The following ZNF473 variants were observed in gnomAD, a reference collection of about 807,000 sequenced individuals.
ZNF473 encodes zinc finger protein 473.
ZNF473 carries 4 observed loss-of-function variants against 11.1 expected under a neutral mutation model. The observed-to-expected ratio is 0.36, with a 90% CI of 0.18 to 0.82. ZNF473 has a LOEUF of 0.82. Among genes scored for constraint, ZNF473 ranks in the 40% least tolerant of loss-of-function variants. ZNF473 has a pLI of 0.49. For synonymous variants in ZNF473, 404 were observed against 390.4 expected, an observed-to-expected ratio of 1.03 and a Z score of -0.41; for missense variants, 854 against 1,084.0, an observed-to-expected ratio of 0.79 and a Z score of 2.98.
At position 50,045,983 on chromosome 19, in the gene ZNF473, C is replaced by T. The variant is rs373186288; in HGVS notation, c.1540C>T (p.Pro514Ser). ...QHQKMHTVKT[P>S]YECQECGERF... ...CCAGAAAATGCACACTGTCAAAACCCCATATGAATGTCAGGAGTGCGGAGA... is the reference window on the plus strand; with the variant it reads ...CCAGAAAATGCACACTGTCAAAACCTCATATGAATGTCAGGAGTGCGGAGA... Residue 514 changes from proline (P) to serine (S), a missense_variant, in exon 5 of 5, where the codon CCA becomes TCA. Physicochemically the swap from Pro to Ser is moderately conservative, Grantham distance 74 (BLOSUM62 -1). Around this residue, in one of 2 missense-constraint regions of ZNF473, gnomAD observed 668 missense variants for 790.2 expected, o/e 0.85. Transcript: ENST00000270617. 6 of 1,614,148 alleles carry T rather than the reference C, an allele frequency of 3.7e-6. No homozygotes were observed. In the Admixed American group the frequency reaches 5.0e-5, roughly 13 times the overall value.
At chr19:50,044,043 CAGA>C (rs905283059) in intron 4 of ZNF473, among the ~76,000 whole-genome samples, 3 of 152,192 alleles carry the variant, frequency 2.0e-5, no homozygotes, top group African/African-American at 7.2e-5. Flanking sequence ...AGGGTTTAAT[CAGA>C]GGAGTGATAT....
chr19:50,047,151 A>T lies in ZNF473; in HGVS notation c.*92A>T. On this transcript the variant is annotated 3_prime_UTR_variant, in exon 5 of 5. Transcript: ENST00000270617. ...CCCATTGCAAGTTTCTCTCCAAATA[A>T]ATGCATCTAAAGATTGATTAGAAAG... 9.5e-7 allele frequency: 1 copy of T among 1,050,934 alleles called. No homozygotes were observed. Among genetic ancestry groups the T allele is most frequent in the Non-Finnish European group, 1.4e-6 (1 of 737,278 alleles). 65.1% of individuals were successfully genotyped at this position (1,050,934 alleles called of 1,614,324 possible).
intron 2 of ZNF473, among the ~76,000 whole-genome samples, chr19:50,037,617 T>G (rs1978521282): frequency 6.6e-6 from 1 of 151,088 alleles, no homozygotes; most frequent in Admixed American, 6.6e-5. Context: ...GGCCAAGAGT[T>G]CGAGACCAGC....
chr19:50,027,904 G>C (rs1041736905), intron 1 of ZNF473, among the ~76,000 whole-genome samples: 1 of 152,138 alleles, frequency 6.6e-6, no homozygotes, highest in East Asian at 1.9e-4. Flanking sequence ...GATCAGGCTG[G>C]TCTTGGACTC....
chr19:50,033,933 C>T (rs1218146089), intron 2 of ZNF473, among the ~76,000 whole-genome samples: 1 of 152,226 alleles, frequency 6.6e-6, no homozygotes, highest in Admixed American at 6.5e-5. Flanking sequence ...TTCTTAATCA[C>T]AGCTGCAAAG....
intron 1 of ZNF473, 63 bp from the exon 2 acceptor site, chr19:50,030,829 A>G (rs2077313869): frequency 1.8e-6 from 1 of 569,022 alleles, no homozygotes; most frequent in African/African-American, 1.9e-5. Context: ...TAGGTTCTGA[A>G]GCACAGTGCA....
At position 50,045,936 on chromosome 19, in the gene ZNF473, A is replaced by G. The variant is rs372507862; in HGVS notation, c.1493A>G (p.Asp498Gly). 67 of 1,614,080 alleles carry G rather than the reference A, an allele frequency of 4.2e-5. No homozygotes were observed. Among genetic ancestry groups the G allele is most frequent in the Non-Finnish European group, 5.0e-5 (59 of 1,180,048 alleles). Residue 498 changes from aspartate to glycine, a missense_variant, in exon 5 of 5, where the codon GAT becomes GGT. Physicochemically the swap from Asp to Gly is moderately conservative, Grantham distance 94 (BLOSUM62 -1). Around this residue, in one of 2 missense-constraint regions of ZNF473, gnomAD observed 668 missense variants for 790.2 expected, o/e 0.85. Coordinates refer to ENST00000270617, the MANE Select transcript of ZNF473 (RefSeq NM_015428.4). ...GCTGAATGCAAGGAGACTTTCAGCG[A>G]TAACAATCGCCTTGTGCAACACCAG... ...SCAECKETFS[D>G]NNRLVQHQKM...
At position 50,048,663 on chromosome 19, in the gene ZNF473, T is replaced by C. The variant is rs1463706282; in HGVS notation, c.*1604T>C. On this transcript the variant is annotated 3_prime_UTR_variant, in exon 5 of 5. Coordinates refer to ENST00000270617, the MANE Select transcript of ZNF473 (RefSeq NM_015428.4). ...GGACTCTATGGAAAACTGGCAGCCA[T>C]TGGGTGTGGGGGCAGTCTGTAAATC... 6.6e-6 allele frequency: 1 copy of C among 152,182 alleles called. No homozygotes were observed. Among genetic ancestry groups the C allele is most frequent in the African/African-American group, 2.4e-5 (1 of 41,424 alleles). 9.4% of individuals were successfully genotyped at this position (152,182 alleles called of 1,614,324 possible).
rs755533384 is a variant in ZNF473 at position 50,031,105 on chromosome 19, C to T, written c.9+14C>T. The T allele has an allele frequency of 1.5e-5, 24 of 1,565,360 alleles. No individual in the cohort carries two copies. Among genetic ancestry groups the T allele is most frequent in the Middle Eastern group, 1.7e-4 (1 of 6,020 alleles). ...GCCATGGCTGAGGTGAGTTGAAGGT[C>T]GCTCTGTCCTAATCGGTCACACCCA... On this transcript the variant is annotated intron_variant, in intron 2 of 4. Transcript: ENST00000270617.
At chr19:50,031,379 C>T (rs1390691096) in intron 2 of ZNF473, among the ~76,000 whole-genome samples, 2 of 152,204 alleles carry the variant, frequency 1.3e-5, no homozygotes, top group African/African-American at 4.8e-5. Context: ...GTTCTGGCTT[C>T]TACCCTCTTT....
intron 2 of ZNF473, among the ~76,000 whole-genome samples, chr19:50,038,008 A>ATTT (rs1164586003): frequency 7.4e-4 from 29 of 39,068 alleles, no homozygotes; most frequent in Middle Eastern, 9.3e-3. Context: ...AATAGTAGAA[A>ATTT]ATTTTTTTTT....
At position 50,048,185 on chromosome 19, in the gene ZNF473, T is replaced by C. The variant is rs1480412527; in HGVS notation, c.*1126T>C. 6.6e-6 allele frequency: 1 copy of C among 152,240 alleles called. No homozygotes were observed. Among genetic ancestry groups the C allele is most frequent in the Non-Finnish European group, 1.5e-5 (1 of 68,040 alleles). The allele number at this position is 152,240 out of a possible 1,614,324, so 9.4% of individuals were successfully genotyped here. A position where few individuals can be genotyped will look rare whatever the true frequency, so the allele number is the denominator to read the frequency against. ...CATTCCCTCATGTCACAGGAAGTTC[T>C]GGGATCACCAAGGATTGTTGGAGAG... On this transcript the variant is annotated 3_prime_UTR_variant, in exon 5 of 5. Transcript: ENST00000270617.
rs1568407937 is a variant in ZNF473 at position 50,039,311 on chromosome 19, G to A, written c.136+24G>A. On this transcript the variant is annotated intron_variant, in intron 3 of 4. Transcript: ENST00000270617. The surrounding 1 kb of genome is among the most constrained non-coding windows in gnomAD (Gnocchi z 4.8). ...GGGTGAGTGTTGCCTGTCCCCAGGG[G>A]CCTACTCACTGCCCTGCTTGGTGAT... The A allele has an allele frequency of 8.1e-6, 13 of 1,613,318 alleles. No individual in the cohort carries two copies. The highest frequency in any genetic ancestry group is 1.1e-5 in the South Asian group (1 of 91,028).
In ZNF473 at chr19:50,039,359, C is replaced by A; in HGVS notation, c.136+72C>A. 1.3e-6 allele frequency: 2 copies of A among 1,582,696 alleles called. No individual in the cohort carries two copies. Among genetic ancestry groups the A allele is most frequent in the Middle Eastern group, 1.7e-4 (1 of 5,748 alleles). On this transcript the variant is annotated intron_variant, in intron 3 of 4. Transcript: ENST00000270617. This position sits in a 1 kb window ranked among gnomAD's most constrained non-coding sequence, Gnocchi z 4.8. ...GATCACCCATGCTCTCTACCACCCA[C>A]AGGGTGAAGTCCTGGCTCCTGGGCT...
At position 50,043,641 on chromosome 19, in the gene ZNF473, G is replaced by A. The variant is rs190310930; in HGVS notation, c.227-1029G>A. Among the ~76,000 whole-genome samples the A allele has an allele frequency of 4.9e-4, 75 of 151,960 alleles. 1 individual carries two copies. The highest frequency in any genetic ancestry group is 1.7e-3 in the African/African-American group (71 of 41,432). On this transcript the variant is annotated intron_variant, in intron 4 of 4. Coordinates refer to ENST00000270617, the MANE Select transcript of ZNF473 (RefSeq NM_015428.4). ...TTACTCTGTCCTGTGAATCTTTCTCGTGGCCGCCTCTGTGGCAGTGGATGG... is the reference window on the plus strand; with the variant it reads ...TTACTCTGTCCTGTGAATCTTTCTCATGGCCGCCTCTGTGGCAGTGGATGG...
intron 2 of ZNF473, 144 bp downstream of exon 2, chr19:50,031,235 C>A: frequency 2.8e-6 from 3 of 1,077,898 alleles, no homozygotes; most frequent in Non-Finnish European, 4.2e-6. Flanking sequence ...TTTGTTTTGG[C>A]CTCCCTGTCC....
intron 4 of ZNF473, among the ~76,000 whole-genome samples, chr19:50,043,967 T>C (rs1223248431): frequency 1.3e-5 from 2 of 152,144 alleles, no homozygotes; most frequent in African/African-American, 2.4e-5. Flanking sequence ...AAGAGTTCTA[T>C]GAGGTCAGCA....
rs992288836 is a variant in ZNF473 at position 50,038,208 on chromosome 19, A to G, written c.10-953A>G. 2.4e-4 allele frequency among the ~76,000 whole-genome samples: 35 copies of G among 146,628 alleles called. No homozygotes were observed. In the South Asian group the frequency reaches 3.6e-3, roughly 15 times the overall value. On this transcript the variant is annotated intron_variant, in intron 2 of 4. Transcript: ENST00000270617. Reference sequence around the variant, plus strand: ...AAATTTATAAATTTATAAATTATATATATAATTATATATAAAATAAAATTT... The same window carrying G: ...AAATTTATAAATTTATAAATTATATGTATAATTATATATAAAATAAAATTT...
intron 2 of ZNF473, 101 bp downstream of exon 2, chr19:50,031,192 T>G (rs577737075): frequency 1.4e-6 from 2 of 1,476,240 alleles, no homozygotes; most frequent in African/African-American, 2.8e-5. Flanking sequence ...CTGTGTTGAT[T>G]GGTCACCCCC....
Sources: gnomAD v4.1 joint callset for allele counts (sites outside exome capture counted in the v4.1 genomes callset) on GRCh38, gnomAD v4.1.1 for gene constraint, gnomAD v4.1.1 regional missense constraint, Gnocchi (gnomAD v3.1) non-coding constraint, MANE v1.5 for transcripts, NCBI Gene and HGNC (gene_info 2026-07-23, HGNC 2026-07-21) for gene names.